Variants in CDK14 observed in about 807,000 individuals in gnomAD.
CDK14 encodes the protein cyclin dependent kinase 14, also known as cyclin-dependent kinase 14.
Under a neutral mutation model 60.7 loss-of-function variants are expected in CDK14, and 34 were observed. The observed-to-expected ratio is 0.56, with a 90% CI of 0.43 to 0.75. CDK14 has a LOEUF of 0.75. Among genes scored for constraint, CDK14 ranks in the 30% least tolerant of loss-of-function variants. CDK14 has a pLI of 0.00. For synonymous variants in CDK14, 197 were observed against 203.7 expected (o/e 0.97, Z 0.28); for missense variants, 482 against 564.1 (o/e 0.85, Z 1.47).
intron 4 of CDK14, among the ~76,000 whole-genome samples, chr7:90,754,010 C>CT (rs1803954865): frequency 6.6e-6 from 1 of 152,182 alleles, no homozygotes; most frequent in Non-Finnish European, 1.5e-5. Context: ...ACATTTCGTG[C>CT]TTTTGGATTG....
At chr7:90,935,819 T>C (rs1175887649) in intron 8 of CDK14, among the ~76,000 whole-genome samples, 1 of 152,054 alleles carries the variant, frequency 6.6e-6, no homozygotes, top group East Asian at 1.9e-4. Context: ...GAGGCTGAGG[T>C]GGGAAGATGG....
At chr7:90,732,014 A>T (rs1411772068) in intron 3 of CDK14, among the ~76,000 whole-genome samples, 1 of 152,164 alleles carries the variant, frequency 6.6e-6, no homozygotes, top group South Asian at 2.1e-4. Flanking sequence ...GAAACATCCC[A>T]TCAATACCTA....
chr7:91,187,903 A>G (rs1016855180), intron 14 of CDK14, among the ~76,000 whole-genome samples: 2 of 152,220 alleles, frequency 1.3e-5, no homozygotes, highest in African/African-American at 2.4e-5. Context: ...TCCTTACAGT[A>G]CGCACGGTTT....
intron 5 of CDK14, among the ~76,000 whole-genome samples, chr7:90,851,389 G>C (rs896736116): frequency 1.3e-5 from 2 of 152,134 alleles, no homozygotes; most frequent in African/African-American, 4.8e-5. Context: ...CATGAAACAA[G>C]ATGAAAACTT....
intron 3 of CDK14, among the ~76,000 whole-genome samples, chr7:90,732,089 T>G (rs1294601073): frequency 2.0e-5 from 3 of 152,186 alleles, no homozygotes; most frequent in African/African-American, 7.2e-5. Context: ...CTGCATCTTT[T>G]GAGATAATCA....
intron 10 of CDK14, among the ~76,000 whole-genome samples, chr7:90,999,045 G>A (rs900111599): frequency 2.0e-5 from 3 of 152,052 alleles, no homozygotes; most frequent in Non-Finnish European, 4.4e-5. Context: ...TGTCAGCTCC[G>A]GTTCTCTTTT....
intron 5 of CDK14, among the ~76,000 whole-genome samples, chr7:90,861,119 C>A (rs1045185134): frequency 6.6e-6 from 1 of 152,070 alleles, no homozygotes; most frequent in Non-Finnish European, 1.5e-5. Context: ...CCACCCCAAC[C>A]CCTGAGGACC....
intron 2 of CDK14, among the ~76,000 whole-genome samples, chr7:90,614,386 T>G (rs1799608735): frequency 6.6e-6 from 1 of 152,228 alleles, no homozygotes; most frequent in Non-Finnish European, 1.5e-5. Context: ...GAACCAGCAG[T>G]TTGCTTTCAG....
rs532618595 is a variant in CDK14 at position 90,724,181 on chromosome 7, T to G, written c.124-2386T>G. Among the ~76,000 whole-genome samples, 10 of 152,278 alleles carry G rather than the reference T, an allele frequency of 6.6e-5. No individual in the cohort carries two copies. In the East Asian group the frequency reaches 1.5e-3, roughly 23 times the overall value. ...AGTGAGCTTTGGTAGTTTTTGTCTT[T>G]CAAATAATTGGTTTCATCTAAGTTG... On this transcript the variant is annotated intron_variant, in intron 2 of 14. Transcript: ENST00000380050.
At chr7:90,801,185 C>T (rs1788618203) in intron 5 of CDK14, among the ~76,000 whole-genome samples, 1 of 152,170 alleles carries the variant, frequency 6.6e-6, no homozygotes, top group South Asian at 2.1e-4. Context: ...TCATAATGGA[C>T]TGGGACCTGC....
rs548549508 is a variant in CDK14, at chr7:91,179,661, G to C, written c.*29-27504G>C. ...ACTAAAAATACAAAAAAATTAGCCG[G>C]GCGTGGTGGCGGGCGCCTGTAGTCC... On this transcript the variant is annotated intron_variant, in intron 14 of 14. Transcript: ENST00000380050. Among the ~76,000 whole-genome samples the C allele has an allele frequency of 3.1e-3, 479 of 152,144 alleles. 1 individual carries two copies. The highest frequency in any genetic ancestry group is 0.011 in the African/African-American group (447 of 41,526).
intron 8 of CDK14, among the ~76,000 whole-genome samples, chr7:90,924,795 T>G (rs143769024): frequency 1.6e-4 from 25 of 152,258 alleles, no homozygotes; most frequent in Non-Finnish European, 3.2e-4. Flanking sequence ...TTTCCCTAGT[T>G]TCTTTTTTAA....
At chr7:91,177,499 A>AG (rs1238749799) in intron 14 of CDK14, among the ~76,000 whole-genome samples, 1 of 152,016 alleles carries the variant, frequency 6.6e-6, no homozygotes, top group Non-Finnish European at 1.5e-5. Flanking sequence ...GTATTCAATT[A>AG]GGAAAAGAGG....
chr7:90,610,601 A>G (rs1189838722), intron 2 of CDK14, among the ~76,000 whole-genome samples: 3 of 152,216 alleles, frequency 2.0e-5, no homozygotes, highest in Non-Finnish European at 4.4e-5. Flanking sequence ...AAGTCTGACA[A>G]ACAGTAGCAG....
At chr7:90,926,591 A>T (rs896574277) in intron 8 of CDK14, among the ~76,000 whole-genome samples, 1 of 152,086 alleles carries the variant, frequency 6.6e-6, no homozygotes, top group Non-Finnish European at 1.5e-5. Flanking sequence ...TTCAGATTTC[A>T]CCTTTTCCAT....
chr7:91,084,570 G>A (rs1798576796), intron 12 of CDK14, among the ~76,000 whole-genome samples: 1 of 152,204 alleles, frequency 6.6e-6, no homozygotes, highest in South Asian at 2.1e-4. Flanking sequence ...GTTAAGCCCT[G>A]TCATTTTGTG....
At chr7:90,952,368 G>A (rs1309439130) in intron 8 of CDK14, among the ~76,000 whole-genome samples, 2 of 152,094 alleles carry the variant, frequency 1.3e-5, no homozygotes, top group Non-Finnish European at 2.9e-5. Flanking sequence ...TTTTTTATTG[G>A]ATAAGAGGTT....
At chr7:90,985,337 A>G (rs967744906) in intron 10 of CDK14, among the ~76,000 whole-genome samples, 1 of 152,052 alleles carries the variant, frequency 6.6e-6, no homozygotes, top group African/African-American at 2.4e-5. Flanking sequence ...GAAATGAGGG[A>G]TAATAACAGC....
chr7:90,899,375 C>T, intron 7 of CDK14, 22 bp downstream of exon 7: 3 of 1,575,190 alleles, frequency 1.9e-6, no homozygotes, highest in South Asian at 1.2e-5. Context: ...TCTTTTTAAG[C>T]CAAAGGTTAG....
Sources: gnomAD v4.1 joint callset for allele counts (sites outside exome capture counted in the v4.1 genomes callset) on GRCh38, gnomAD v4.1.1 for gene constraint, MANE v1.5 for transcripts, NCBI Gene and HGNC (gene_info 2026-07-23, HGNC 2026-07-21) for gene names.